Variants in RALY observed in about 807,000 individuals in gnomAD.
RALY encodes RNA-binding protein Raly.
Under a neutral mutation model 30.7 loss-of-function variants are expected in RALY, and 15 were observed. The ratio of observed to expected loss-of-function variants is 0.49; its 90% CI spans 0.33 to 0.75. The LOEUF is 0.75. Among genes scored for constraint, RALY ranks in the 30% least tolerant of loss-of-function variants. The probability of loss-of-function intolerance (pLI) is 0.02; values close to 1 mark genes in which losing one functional copy is unlikely to be tolerated. For synonymous variants in RALY, 177 were observed against 170.8 expected, an observed-to-expected ratio of 1.04 and a Z score of -0.28; for missense variants, 339 against 414.3, an observed-to-expected ratio of 0.82 and a Z score of 1.58.
At chr20:34,037,807 G>GT (rs1489959444) in intron 2 of RALY, among the ~76,000 whole-genome samples, 7 of 152,194 alleles carry the variant, frequency 4.6e-5, no homozygotes, top group Non-Finnish European at 1.0e-4. Flanking sequence ...GTCCTTCAGG[G>GT]TATGGGGATG....
intron 2 of RALY, among the ~76,000 whole-genome samples, chr20:34,043,827 G>A (rs573450021): frequency 1.3e-5 from 2 of 152,236 alleles, no homozygotes; most frequent in South Asian, 4.1e-4. Context: ...CATGGTTAAG[G>A]CTTTTGGAGC....
At chr20:34,010,850 TA>T (rs1252279373) in intron 1 of RALY, among the ~76,000 whole-genome samples, 1 of 152,196 alleles carries the variant, frequency 6.6e-6, no homozygotes, top group Non-Finnish European at 1.5e-5. Context: ...GTTTGTGGAA[TA>T]AACTCTGGAT....
At chr20:34,066,528 A>G (rs556908113) in intron 2 of RALY, among the ~76,000 whole-genome samples, 1 of 152,244 alleles carries the variant, frequency 6.6e-6, no homozygotes, top group African/African-American at 2.4e-5. Flanking sequence ...CGCACATGAT[A>G]GAAGACACAA....
intron 2 of RALY, among the ~76,000 whole-genome samples, chr20:34,066,675 G>A (rs1288626137): frequency 1.4e-5 from 2 of 145,780 alleles, no homozygotes. Context: ...ACTTGCGTGA[G>A]CCACTTCCTG....
At chr20:34,073,927 T>C in intron 5 of RALY, 61 bp downstream of exon 5, 2 of 1,565,784 alleles carry the variant, frequency 1.3e-6, no homozygotes, top group East Asian at 4.5e-5. Context: ...TCTTGAGAGA[T>C]TGTTGGTGCA....
In RALY at chr20:34,025,669, G is replaced by A. The variant is rs1261832100; in HGVS notation, c.-92-5853G>A. On this transcript the variant is annotated intron_variant, in intron 1 of 9. Transcript: ENST00000246194. ...GCTTATTCTAAACAACAAGAGTTCT[G>A]TAGGGACATGCTATTTTAAAAAAAA... is the stretch of plus-strand genomic sequence containing the variant. 2.4e-4 allele frequency among the ~76,000 whole-genome samples: 36 copies of A among 150,440 alleles called. 1 individual carries two copies. Among genetic ancestry groups the A allele is most frequent in the Admixed American group, 2.4e-3 (36 of 15,100 alleles).
intron 8 of RALY, 152 bp from the exon 9 acceptor site, chr20:34,078,353 C>A: frequency 1.7e-6 from 1 of 586,000 alleles, no homozygotes; most frequent in Non-Finnish European, 2.6e-6. Flanking sequence ...TTGGCTGGTC[C>A]CATAGTCATT....
chr20:34,011,955 A>G (rs1021306072), intron 1 of RALY, among the ~76,000 whole-genome samples: 2 of 152,096 alleles, frequency 1.3e-5, no homozygotes, highest in African/African-American at 4.8e-5. Flanking sequence ...AGTCCCAGCT[A>G]CTTGGGAGGC....
rs116030211 is a variant in RALY, at chr20:34,001,697, A to G, written c.-93+7566A>G. Among the ~76,000 whole-genome samples, 341 of 152,358 alleles carry G rather than the reference A, an allele frequency of 2.2e-3. 2 individuals carry two copies. The highest frequency in any genetic ancestry group is 7.5e-3 in the African/African-American group (312 of 41,586). ...CAGTAGATTTAAAAGGGTCATTTCC[A>G]TAACTTCATTTATCTAGATTTGGGT... On this transcript the variant is annotated intron_variant, in intron 1 of 9. Coordinates refer to ENST00000246194, the MANE Select transcript of RALY (RefSeq NM_016732.3).
At chr20:34,040,242 CTT>C (rs1417438944) in intron 2 of RALY, among the ~76,000 whole-genome samples, 5 of 152,198 alleles carry the variant, frequency 3.3e-5, no homozygotes, top group African/African-American at 7.2e-5. Flanking sequence ...ATCCAGATCT[CTT>C]GTGTCTCATT....
intron 1 of RALY, among the ~76,000 whole-genome samples, chr20:34,023,196 A>G (rs566087115): frequency 1.3e-5 from 2 of 152,266 alleles, no homozygotes; most frequent in South Asian, 4.1e-4. Flanking sequence ...TATCTTCACT[A>G]TTCTGAGGTA....
chr20:34,012,274 G>A (rs1343275369), intron 1 of RALY, among the ~76,000 whole-genome samples: 5 of 152,108 alleles, frequency 3.3e-5, no homozygotes, highest in Admixed American at 3.3e-4. Context: ...AGGTTGCCGT[G>A]GCAGGTGGTA....
At chr20:34,041,601 C>G (rs2032703555) in intron 2 of RALY, among the ~76,000 whole-genome samples, 1 of 152,152 alleles carries the variant, frequency 6.6e-6, no homozygotes, top group South Asian at 2.1e-4. Context: ...CTCACTCATT[C>G]ATACTCAATT....
chr20:34,071,995 A>T, intron 2 of RALY, 71 bp from the exon 3 acceptor site: 1 of 1,519,350 alleles, frequency 6.6e-7, no homozygotes, highest in Admixed American at 2.0e-5. Flanking sequence ...TCATTTATCC[A>T]GGATATGGGC....
chr20:34,075,609 G>T (rs998812985), intron 5 of RALY, among the ~76,000 whole-genome samples: 4 of 152,090 alleles, frequency 2.6e-5, no homozygotes, highest in African/African-American at 4.8e-5. Flanking sequence ...TTTGAATGGG[G>T]TATAACTGCT....
In RALY at chr20:34,052,491, G is replaced by A. The variant is rs191805041; in HGVS notation, c.-9-19575G>A. ...ACACCATAATTTGTACTCCACTATT[G>A]TTCCTTTTCTAGCCAGCAAATCCTA... is the stretch of plus-strand genomic sequence containing the variant. On this transcript the variant is annotated intron_variant, in intron 2 of 9. Coordinates refer to ENST00000246194, the MANE Select transcript of RALY (RefSeq NM_016732.3). Among the ~76,000 whole-genome samples, 64 of 152,242 alleles carry A rather than the reference G, an allele frequency of 4.2e-4. 2 individuals carry two copies. In the South Asian group the frequency reaches 9.3e-3, roughly 22 times the overall value.
chr20:34,007,162 C>G (rs2031195638), intron 1 of RALY, among the ~76,000 whole-genome samples: 1 of 152,164 alleles, frequency 6.6e-6, no homozygotes, highest in South Asian at 2.1e-4. Context: ...TGGATTTGAA[C>G]ACAGGCCTAC....
intron 2 of RALY, among the ~76,000 whole-genome samples, chr20:34,070,414 T>G (rs909212655): frequency 6.6e-6 from 1 of 152,040 alleles, no homozygotes; most frequent in South Asian, 2.1e-4. Flanking sequence ...ACGGGAAAAA[T>G]TTGTACAGCC....
At chr20:34,042,073 C>T (rs1046242652) in intron 2 of RALY, among the ~76,000 whole-genome samples, 2 of 152,116 alleles carry the variant, frequency 1.3e-5, no homozygotes, top group African/African-American at 2.4e-5. Flanking sequence ...GAGGGGAGAT[C>T]AAGCCACTGC....
Sources: allele counts gnomAD v4.1 joint callset (sites outside exome capture counted in the v4.1 genomes callset), GRCh38; gene constraint gnomAD v4.1.1; transcripts MANE v1.5; gene names NCBI Gene and HGNC (gene_info 2026-07-23, HGNC 2026-07-21).